The following NAV2 variants were observed in gnomAD, a reference collection of about 807,000 sequenced individuals.
NAV2 encodes neuron navigator 2.
A neutral mutation model predicts 223.2 loss-of-function variants in NAV2; 54 were observed. The observed-to-expected ratio is 0.24, with a 90% CI of 0.19 to 0.30. NAV2 has a LOEUF of 0.30. Among genes scored for constraint, NAV2 ranks in the 10% least tolerant of loss-of-function variants. NAV2 has a pLI of 1.00. For synonymous variants in NAV2, 1,279 were observed against 1,239.3 expected (o/e 1.03, Z -0.67); for missense variants, 2,806 against 3,147.5 (o/e 0.89, Z 2.60).
At chr11:19,518,791 C>T (rs576448597) in intron 1 of NAV2, among the ~76,000 whole-genome samples, 1 of 152,280 alleles carries the variant, frequency 6.6e-6, no homozygotes, top group South Asian at 2.1e-4. Context: ...GGTGTTTGCG[C>T]CCCTACTCAA....
intron 1 of NAV2, among the ~76,000 whole-genome samples, chr11:19,792,891 G>A (rs2057622424): frequency 1.3e-5 from 2 of 151,036 alleles, no homozygotes; most frequent in Admixed American, 6.6e-5. Flanking sequence ...GCGCCTGACA[G>A]CTCAGTTTTG....
chr11:19,900,542 G>C (rs1430574736), intron 6 of NAV2, among the ~76,000 whole-genome samples: 1 of 152,126 alleles, frequency 6.6e-6, no homozygotes, highest in Non-Finnish European at 1.5e-5. Flanking sequence ...TAACAGCTCA[G>C]GTGTGAGGGA....
chr11:20,101,264 T>C (rs2061615733), intron 32 of NAV2, 92 bp downstream of exon 32: 4 of 1,026,832 alleles, frequency 3.9e-6, no homozygotes, highest in Non-Finnish European at 4.4e-6. Context: ...GCATTTCCTA[T>C]CAACAATCCT....
intron 10 of NAV2, among the ~76,000 whole-genome samples, chr11:19,964,662 AT>A (rs1411085971): frequency 6.6e-6 from 1 of 151,540 alleles, no homozygotes; most frequent in Non-Finnish European, 1.5e-5. Context: ...CACCCAGCTA[AT>A]TTTTTTAAAA....
At chr11:19,704,095 G>GA (rs11454265) in intron 1 of NAV2, among the ~76,000 whole-genome samples, 5,677 of 152,132 alleles carry the variant, frequency 0.037, 320 homozygotes, top group African/African-American at 0.13. Context: ...CTTGTTTAAG[G>GA]AGTACTGGTC....
intron 17 of NAV2, 28 bp from the exon 18 acceptor site, chr11:20,054,052 A>G: frequency 6.2e-7 from 1 of 1,609,316 alleles, no homozygotes; most frequent in South Asian, 1.1e-5. Context: ...GTTCATAGTT[A>G]ATTCCGGCTT....
chr11:19,449,573 C>A (rs1231391084), intron 1 of NAV2, among the ~76,000 whole-genome samples: 1 of 148,130 alleles, frequency 6.8e-6, no homozygotes, highest in Non-Finnish European at 1.5e-5. Context: ...CCCCACCTTG[C>A]ACCTGACTGA....
At chr11:20,105,775 C>T (rs754541412) in intron 35 of NAV2, 48 bp downstream of exon 35, 2 of 1,488,322 alleles carry the variant, frequency 1.3e-6, no homozygotes, top group South Asian at 2.4e-5. Flanking sequence ...TCCTCAGGTG[C>T]CCATCCTCTG....
chr11:19,346,009 C>T (rs1384056272), upstream of NAV2, among the ~76,000 whole-genome samples: 1 of 151,994 alleles, frequency 6.6e-6, no homozygotes, highest in East Asian at 1.9e-4. Context: ...CTTCTGTAGG[C>T]GTCTCTGTGT....
intron 1 of NAV2, among the ~76,000 whole-genome samples, chr11:19,457,725 C>A (rs1387548833): frequency 1.3e-5 from 2 of 152,066 alleles, no homozygotes; most frequent in African/African-American, 2.4e-5. Context: ...GGGGTGTCAC[C>A]AGCAAAGTGG....
intron 35 of NAV2, chr11:20,107,415 G>A: frequency 1.9e-6 from 1 of 513,276 alleles, no homozygotes; most frequent in Non-Finnish European, 3.5e-6. Flanking sequence ...GATTAGTGAT[G>A]CCACAGTGAG....
At chr11:19,914,706 G>A (rs1295723314) in intron 6 of NAV2, among the ~76,000 whole-genome samples, 5 of 151,784 alleles carry the variant, frequency 3.3e-5, no homozygotes, top group South Asian at 2.1e-4. Flanking sequence ...CACCGCGCCC[G>A]GCTAATTTTT....
intron 1 of NAV2, among the ~76,000 whole-genome samples, chr11:19,614,602 TGTCC>T (rs1188753780): frequency 6.6e-6 from 1 of 152,170 alleles, no homozygotes; most frequent in Non-Finnish European, 1.5e-5. Flanking sequence ...TATCACCCAA[TGTCC>T]ATAGTTCACA....
At chr11:19,964,731 C>T (rs949013371) in intron 10 of NAV2, among the ~76,000 whole-genome samples, 10 of 151,670 alleles carry the variant, frequency 6.6e-5, no homozygotes, top group African/African-American at 1.9e-4. Context: ...AAACTCCTAG[C>T]CTCAAGTGAT....
At chr11:19,968,578 T>C (rs1048931052) in intron 10 of NAV2, among the ~76,000 whole-genome samples, 8 of 152,246 alleles carry the variant, frequency 5.3e-5, no homozygotes, top group Admixed American at 1.3e-4. Context: ...TCTCTCAGTA[T>C]GCAGATCCTA....
At chr11:19,818,215 C>CTG (rs2059199496) in intron 1 of NAV2, among the ~76,000 whole-genome samples, 1 of 142,814 alleles carries the variant, frequency 7.0e-6, no homozygotes, top group Non-Finnish European at 1.5e-5. Flanking sequence ...CCTGTCCCAC[C>CTG]TGTGTGTATT....
intron 26 of NAV2, among the ~76,000 whole-genome samples, 161 bp from the exon 27 acceptor site, chr11:20,090,704 A>T (rs1295914681): frequency 6.6e-6 from 1 of 152,222 alleles, no homozygotes; most frequent in Non-Finnish European, 1.5e-5. Context: ...AGAAGGAATA[A>T]AATCTGTTTT....
intron 1 of NAV2, among the ~76,000 whole-genome samples, chr11:19,656,068 G>C (rs1001428844): frequency 1.2e-4 from 18 of 152,156 alleles, no homozygotes; most frequent in African/African-American, 4.3e-4. Flanking sequence ...TATGACTTGA[G>C]AAAACCTTTC....
chr11:19,580,125 C>T (rs546558588), intron 1 of NAV2, among the ~76,000 whole-genome samples: 11 of 152,150 alleles, frequency 7.2e-5, no homozygotes, highest in East Asian at 1.9e-4. Context: ...TTGACCCAAC[C>T]GGGGGGTGGG....
Sources: gnomAD v4.1 joint callset for allele counts (sites outside exome capture counted in the v4.1 genomes callset) on GRCh38, gnomAD v4.1.1 for gene constraint, MANE v1.5 for transcripts, NCBI Gene and HGNC (gene_info 2026-07-23, HGNC 2026-07-21) for gene names.